The following PER3 variants were observed in gnomAD, a reference collection of about 807,000 sequenced individuals.
The protein encoded by PER3 is period circadian protein homolog 3.
In PER3, 107 loss-of-function variants were observed where a neutral mutation model predicts 127.2. That is an observed-to-expected ratio of 0.84 (90% CI 0.72 to 0.99). PER3 has a LOEUF of 0.99. Ranked by LOEUF, PER3 falls within the 50% of genes least tolerant of loss-of-function variation. The pLI, the probability that PER3 is intolerant of heterozygous loss-of-function variation, is 0.00. For missense variants in PER3, 1,560 were observed against 1,525.8 expected (o/e 1.02, Z -0.37); for synonymous variants, 618 against 585.8 (o/e 1.05, Z -0.79).
chr1:7,813,053 C>A (rs1236168993), intron 13 of PER3, among the ~76,000 whole-genome samples: 1 of 152,168 alleles, frequency 6.6e-6, no homozygotes, highest in African/African-American at 2.4e-5. Flanking sequence ...ATCTTTCTTA[C>A]AACCTAAGAG....
In PER3 at chr1:7,837,197, G is replaced by A. The variant is rs140587065; in HGVS notation, c.3549+48G>A. On this transcript the variant is annotated intron_variant, in intron 21 of 21. Coordinates refer to ENST00000377532, the MANE Select transcript of PER3 (RefSeq NM_001377275.1). Reference sequence around the variant, plus strand: ...TCATATACTCATGTATTTTGGCCAGGTAGTGCTTTTAATATAGGTCGTGTT... The same window carrying A: ...TCATATACTCATGTATTTTGGCCAGATAGTGCTTTTAATATAGGTCGTGTT... 4.6e-4 allele frequency: 703 copies of A among 1,540,798 alleles called. 2 individuals carry two copies. In the African/African-American group the frequency reaches 8.8e-3, roughly 19 times the overall value.
intron 13 of PER3, among the ~76,000 whole-genome samples, chr1:7,817,950 C>A (rs1167462400): frequency 6.6e-6 from 1 of 152,108 alleles, no homozygotes; most frequent in Non-Finnish European, 1.5e-5. Context: ...AACCAATGAA[C>A]AAGGTAACAA....
intron 19 of PER3, among the ~76,000 whole-genome samples, chr1:7,832,670 G>GC (rs1176417779): frequency 2.0e-5 from 3 of 151,724 alleles, no homozygotes; most frequent in African/African-American, 7.3e-5. Flanking sequence ...ACCGTGTCCA[G>GC]CCTATGCTCT....
At position 7,829,935 on chromosome 1, in the gene PER3, CA is replaced by C. The variant is rs771037628; in HGVS notation, c.2989del (p.Ser997AlafsTer10). The C allele has an allele frequency of 1.6e-6, 2 of 1,279,674 alleles. No individual in the cohort carries two copies. Among genetic ancestry groups the C allele is most frequent in the East Asian group, 5.9e-5 (1 of 16,886 alleles). The allele number at this position is 1,279,674 out of a possible 1,614,324, so 79.3% of individuals were successfully genotyped here. On this transcript the variant is annotated frameshift_variant, in exon 19 of 22. Transcript: ENST00000377532. LOFTEE classifies it high-confidence loss of function. ...PRENPSHPTA[S>X]ALSTGSPPMK... ...GGGAGAATCCATCCCATCCTACTGCCAGCGCTCTGTCCACAGGATCGCCTCC... is the reference window on the plus strand; with the variant it reads ...GGGAGAATCCATCCCATCCTACTGCCGCGCTCTGTCCACAGGATCGCCTCC...
intron 6 of PER3, among the ~76,000 whole-genome samples, chr1:7,796,287 G>A (rs941009610): frequency 2.0e-5 from 3 of 150,096 alleles, no homozygotes; most frequent in Non-Finnish European, 4.4e-5. Flanking sequence ...AATTTTCAGT[G>A]AACAGAGGTA....
chr1:7,815,991 CAAAA>C (rs34144861), intron 13 of PER3, among the ~76,000 whole-genome samples: 10 of 67,680 alleles, frequency 1.5e-4, no homozygotes, highest in East Asian at 7.7e-4. Flanking sequence ...GACTCCGTCT[CAAAA>C]AAAAAAAAAA....
chr1:7,799,045 GTCT>G (rs1484339841), intron 7 of PER3, among the ~76,000 whole-genome samples: 1 of 152,124 alleles, frequency 6.6e-6, no homozygotes, highest in Non-Finnish European at 1.5e-5. Flanking sequence ...TGTTTTTGAA[GTCT>G]TCTGAAACTC....
chr1:7,786,228 C>A (rs925149887), intron 3 of PER3, among the ~76,000 whole-genome samples: 1 of 152,170 alleles, frequency 6.6e-6, no homozygotes, highest in Admixed American at 6.5e-5. Context: ...GCACTCCCGC[C>A]TGGGTGACAG....
At chr1:7,800,665 A>G (rs1447897640) in intron 7 of PER3, among the ~76,000 whole-genome samples, 1 of 152,090 alleles carries the variant, frequency 6.6e-6, no homozygotes, top group Non-Finnish European at 1.5e-5. Context: ...TTTAACTATT[A>G]AATGATTTAT....
chr1:7,839,650 C>T (rs1321469368), intron 21 of PER3, among the ~76,000 whole-genome samples: 2 of 152,122 alleles, frequency 1.3e-5, no homozygotes, highest in Admixed American at 1.3e-4. Flanking sequence ...TACTTTTGGC[C>T]AAAGGATTTC....
intron 20 of PER3, among the ~76,000 whole-genome samples, chr1:7,836,154 T>A (rs2097357359): frequency 6.6e-6 from 1 of 151,684 alleles, no homozygotes; most frequent in Non-Finnish European, 1.5e-5. Context: ...TGCACCACCA[T>A]GCGTGTCTAA....
chr1:7,803,122 T>C lies in PER3; in HGVS notation c.948T>C (p.Asp316=). ...TSILSYLHPE[D]RSLMVAIHQK... is the part of the protein sequence containing the mutation. ...TCCTAAGCTACCTGCACCCTGAAGA[T>C]CGTTCTCTGATGGTTGCCATACACC... The change falls in exon 9 of 22, where the codon GAT becomes GAC. Residue 316 remains aspartate, a synonymous_variant. Coordinates refer to ENST00000377532, the MANE Select transcript of PER3 (RefSeq NM_001377275.1). 1 of 1,612,128 alleles carries C rather than the reference T, an allele frequency of 6.2e-7. No homozygotes were observed. Among genetic ancestry groups the C allele is most frequent in the Non-Finnish European group, 8.5e-7 (1 of 1,178,176 alleles).
chr1:7,788,929 G>A (rs2097105238), intron 5 of PER3, among the ~76,000 whole-genome samples: 2 of 147,950 alleles, frequency 1.4e-5, no homozygotes, highest in Admixed American at 1.4e-4. Context: ...AAAAAATTCA[G>A]ATCATTAGCT....
chr1:7,803,642 T>G, intron 9 of PER3, 50 bp from the exon 10 acceptor site: 1 of 1,151,420 alleles, frequency 8.7e-7, no homozygotes, highest in South Asian at 1.4e-5. Context: ...ACATTTGTAA[T>G]CAGTATCTGT....
At chr1:7,841,917 C>T (rs1446712404) in intron 21 of PER3, among the ~76,000 whole-genome samples, 7 of 152,120 alleles carry the variant, frequency 4.6e-5, no homozygotes, top group African/African-American at 7.2e-5. Flanking sequence ...TTTGTGCAAG[C>T]GTCCTAGAGT....
intron 18 of PER3, among the ~76,000 whole-genome samples, chr1:7,829,266 A>G (rs1005202804): frequency 8.5e-5 from 13 of 152,344 alleles, no homozygotes; most frequent in African/African-American, 3.1e-4. Context: ...TAAGAACAGT[A>G]AGAGATTAAC....
At chr1:7,818,509 G>A (rs1002223852) in intron 13 of PER3, among the ~76,000 whole-genome samples, 1 of 152,134 alleles carries the variant, frequency 6.6e-6, no homozygotes, top group African/African-American at 2.4e-5. Flanking sequence ...ATTCTTGGTC[G>A]CTGTGAGGCC....
At chr1:7,842,592 G>A (rs2097396583) in intron 21 of PER3, 80 bp from the exon 22 acceptor site, 5 of 1,488,742 alleles carry the variant, frequency 3.4e-6, no homozygotes, top group Non-Finnish European at 4.5e-6. Flanking sequence ...TTAGAAACAT[G>A]TGACCAGCCT....
intron 19 of PER3, among the ~76,000 whole-genome samples, chr1:7,834,766 T>G (rs1039309926): frequency 6.6e-6 from 1 of 152,200 alleles, no homozygotes; most frequent in African/African-American, 2.4e-5. Context: ...CCTAAAGATA[T>G]TTTTTAATGA....
Sources: allele counts gnomAD v4.1 joint callset (sites outside exome capture counted in the v4.1 genomes callset), GRCh38; gene constraint gnomAD v4.1.1; transcripts MANE v1.5; gene names NCBI Gene and HGNC (gene_info 2026-07-23, HGNC 2026-07-21).